The following GALNT17 variants were observed in gnomAD, a reference collection of about 807,000 sequenced individuals.
The protein encoded by GALNT17 is UDP-GalNAc:polypeptide N-acetylgalactosaminyltransferase-like 3.
In GALNT17, 29 loss-of-function variants were observed where a neutral mutation model predicts 63.7. That is an observed-to-expected ratio of 0.46 (90% CI 0.34 to 0.62). The LOEUF is 0.62. GALNT17 is among the 20% of genes least tolerant of loss of function. The pLI, the probability that GALNT17 is intolerant of heterozygous loss-of-function variation, is 0.01. For synonymous variants in GALNT17, 305 were observed against 318.3 expected, an observed-to-expected ratio of 0.96 and a Z score of 0.45; for missense variants, 603 against 799.6, an observed-to-expected ratio of 0.75 and a Z score of 2.97.
intron 5 of GALNT17, among the ~76,000 whole-genome samples, chr7:71,481,355 G>T (rs1297597489): frequency 6.6e-6 from 1 of 152,160 alleles, no homozygotes; most frequent in African/African-American, 2.4e-5. Flanking sequence ...GGAGGCTGAG[G>T]CAGGAGAATC....
At chr7:71,403,487 T>C (rs761921508) in intron 3 of GALNT17, among the ~76,000 whole-genome samples, 9 of 152,198 alleles carry the variant, frequency 5.9e-5, no homozygotes, top group Admixed American at 3.3e-4. Context: ...TAGTCTCCGC[T>C]AGCTAGAAGA....
chr7:71,530,069 A>G (rs904586705), intron 5 of GALNT17, among the ~76,000 whole-genome samples: 1 of 152,198 alleles, frequency 6.6e-6, no homozygotes, highest in African/African-American at 2.4e-5. Flanking sequence ...TTAGTTGATT[A>G]CTTTTCCATT....
At chr7:71,409,543 G>T (rs777248203) in intron 3 of GALNT17, among the ~76,000 whole-genome samples, 1 of 152,204 alleles carries the variant, frequency 6.6e-6, no homozygotes, top group Non-Finnish European at 1.5e-5. Context: ...TAACAACTGT[G>T]TGAGGGTTGA....
rs950665238 is a variant in GALNT17 at position 71,205,533 on chromosome 7, C to G, written c.238+72493C>G. Among the ~76,000 whole-genome samples, 9 of 152,274 alleles carry G rather than the reference C, an allele frequency of 5.9e-5. No individual in the cohort carries two copies. The East Asian group carries it at 1.4e-3, about 23-fold the overall frequency. ...GAACTCCTGGGCTCAAGCCATCCTT[C>G]CATCACAGCCACTCTAGTAGCTGGG... On this transcript the variant is annotated intron_variant, in intron 1 of 10. Transcript: ENST00000333538.
chr7:71,218,467 G>A (rs931547830), intron 1 of GALNT17, among the ~76,000 whole-genome samples: 7 of 152,054 alleles, frequency 4.6e-5, no homozygotes, highest in East Asian at 1.9e-4. Context: ...GCTATGTTTC[G>A]TGTCCTGTTT....
intron 1 of GALNT17, among the ~76,000 whole-genome samples, chr7:71,262,667 T>C (rs916730266): frequency 6.6e-6 from 1 of 151,164 alleles, no homozygotes; most frequent in East Asian, 1.9e-4. Context: ...TGGTGTCCTT[T>C]TTTTTTACTT....
intron 1 of GALNT17, among the ~76,000 whole-genome samples, chr7:71,203,637 G>T (rs1789216247): frequency 6.6e-6 from 1 of 152,218 alleles, no homozygotes; most frequent in South Asian, 2.1e-4. Context: ...AGATTTAATT[G>T]GCTCATGGTT....
At chr7:71,210,530 G>A (rs561773453) in intron 1 of GALNT17, among the ~76,000 whole-genome samples, 58 of 152,158 alleles carry the variant, frequency 3.8e-4, no homozygotes, top group African/African-American at 1.2e-3. Flanking sequence ...GAAGAGAGTG[G>A]GTAATAAAGC....
At chr7:71,331,825 A>G (rs1353363010) in intron 1 of GALNT17, among the ~76,000 whole-genome samples, 2 of 152,168 alleles carry the variant, frequency 1.3e-5, no homozygotes, top group African/African-American at 2.4e-5. Flanking sequence ...AGATGAGACA[A>G]TGGTAGAATA....
chr7:71,581,948 G>A (rs948590840), intron 6 of GALNT17, among the ~76,000 whole-genome samples: 26 of 152,150 alleles, frequency 1.7e-4, no homozygotes, highest in African/African-American at 6.3e-4. Context: ...CAAGGCCACA[G>A]TGCTTAGGGT....
chr7:71,415,980 C>A lies in GALNT17; in HGVS notation c.681C>A (p.Ile227=). 1.2e-6 allele frequency: 2 copies of A among 1,613,858 alleles called. No homozygotes were observed. Among genetic ancestry groups the A allele is most frequent in the South Asian group, 2.2e-5 (2 of 90,990 alleles). ...VVRNQKREGL[I]RARIEGWKVA... ...GAAATCAGAAGAGGGAAGGCCTGAT[C>A]CGCGCTCGCATTGAGGGCTGGAAGG... Residue 227 remains isoleucine (I), a synonymous_variant, in exon 4 of 11, where the codon ATC becomes ATA. Coordinates refer to ENST00000333538, the MANE Select transcript of GALNT17 (RefSeq NM_022479.3).
At chr7:71,468,409 A>C (rs928968421) in intron 5 of GALNT17, among the ~76,000 whole-genome samples, 1 of 148,340 alleles carries the variant, frequency 6.7e-6, no homozygotes. Context: ...TTTTTATTTT[A>C]TTTTATTTAT....
intron 1 of GALNT17, among the ~76,000 whole-genome samples, chr7:71,191,138 A>T (rs762379105): frequency 1.2e-4 from 19 of 152,206 alleles, no homozygotes; most frequent in Non-Finnish European, 2.4e-4. Context: ...ACATACATTT[A>T]TGTAACCCAC....
rs1361310375 is a variant in GALNT17 at position 71,132,664 on chromosome 7, T to C, written c.-139T>C. ...CCCAGCCGTCTCCGCCGCCCGAGCA[T>C]CCTTGAGGTGGGACGAGCAGGGGCT... On this transcript the variant is annotated 5_prime_UTR_variant, in exon 1 of 11. Transcript: ENST00000333538. The C allele has an allele frequency of 1.5e-6, 1 of 688,654 alleles. No homozygotes were observed. Among genetic ancestry groups the C allele is most frequent in the Non-Finnish European group, 2.4e-6 (1 of 423,186 alleles). The allele number at this position is 688,654 out of a possible 1,614,324, so 42.7% of individuals were successfully genotyped here. A position where few individuals can be genotyped will look rare whatever the true frequency, so the allele number is the denominator to read the frequency against.
chr7:71,319,947 A>G (rs1791574624), intron 1 of GALNT17, among the ~76,000 whole-genome samples: 1 of 152,130 alleles, frequency 6.6e-6, no homozygotes, highest in Non-Finnish European at 1.5e-5. Flanking sequence ...TGATGTCAGG[A>G]TGAAGAGGCT....
At chr7:71,542,531 C>T (rs1044082129) in intron 5 of GALNT17, among the ~76,000 whole-genome samples, 1 of 151,692 alleles carries the variant, frequency 6.6e-6, no homozygotes, top group South Asian at 2.1e-4. Flanking sequence ...CCTGTCTCTA[C>T]TAAAAATACA....
At chr7:71,560,213 A>G (rs1013474187) in intron 5 of GALNT17, among the ~76,000 whole-genome samples, 164 of 149,854 alleles carry the variant, frequency 1.1e-3, no homozygotes, top group African/African-American at 3.4e-3. Flanking sequence ...AAAAAAAAAA[A>G]AAAGAAAGAA....
chr7:71,286,966 T>C (rs1161067642), intron 1 of GALNT17, among the ~76,000 whole-genome samples: 1 of 151,918 alleles, frequency 6.6e-6, no homozygotes, highest in East Asian at 1.9e-4. Context: ...AACGTTTTTG[T>C]ATATTTTATA....
At chr7:71,598,848 G>A (rs2116931161) in intron 6 of GALNT17, among the ~76,000 whole-genome samples, 1 of 151,578 alleles carries the variant, frequency 6.6e-6, no homozygotes, top group African/African-American at 2.4e-5. Flanking sequence ...AGTACTGAGT[G>A]CTATGAGAAA....
Sources: allele counts gnomAD v4.1 joint callset (sites outside exome capture counted in the v4.1 genomes callset), GRCh38; gene constraint gnomAD v4.1.1; transcripts MANE v1.5; gene names NCBI Gene and HGNC (gene_info 2026-07-23, HGNC 2026-07-21).